SYBU: variants seen among roughly 807,000 people sequenced by gnomAD.
SYBU encodes the protein GOLSYN A protein.
SYBU carries 21 observed loss-of-function variants against 35.9 expected under a neutral mutation model. The ratio of observed to expected loss-of-function variants is 0.58; its 90% CI spans 0.41 to 0.84. SYBU has a LOEUF of 0.84. SYBU is among the 40% of genes least tolerant of loss of function. The probability of loss-of-function intolerance (pLI) is 0.00; values close to 1 mark genes in which losing one functional copy is unlikely to be tolerated. For missense variants in SYBU, 768 were observed against 848.2 expected (o/e 0.91, Z 1.17); for synonymous variants, 319 against 324.3 (o/e 0.98, Z 0.18).
chr8:109,648,275 A>AATATATATATAATAT (rs1405502977), upstream of SYBU, among the ~76,000 whole-genome samples: 10 of 144,992 alleles, frequency 6.9e-5, no homozygotes, highest in African/African-American at 2.3e-4. Flanking sequence ...ATATATATAT[A>AATATATATATAATAT]ATATATATAT....
intron 1 of SYBU, among the ~76,000 whole-genome samples, chr8:109,669,339 CAAAAAAAAAAAAA>C (rs533510895): frequency 1.4e-4 from 7 of 49,682 alleles, no homozygotes; most frequent in Admixed American, 9.0e-4. Flanking sequence ...GAGACTCCGT[CAAAAAAAAAAAAA>C]AAAAAAAAAA....
chr8:109,582,008 C>T (rs985784078), intron 4 of SYBU, among the ~76,000 whole-genome samples: 1 of 152,144 alleles, frequency 6.6e-6, no homozygotes, highest in Non-Finnish European at 1.5e-5. Context: ...GGAACATGTA[C>T]CCTGGTGTGC....
chr8:109,578,053 C>A (rs957555547), intron 5 of SYBU, 36 bp from the exon 6 acceptor site: 3 of 1,584,766 alleles, frequency 1.9e-6, no homozygotes, highest in African/African-American at 2.7e-5. Flanking sequence ...TTACTTTTTG[C>A]CGTTTCCTTT....
chr8:109,574,128 T>G lies in SYBU; in HGVS notation c.*778A>C, dbSNP rs1821948735. The stretch of plus-strand genomic sequence containing the variant: ...CCCCTATTGATAAAGATGTAAGATC[T>G]GCTATTCATTGTCTTTCTTATACAT... On this transcript the variant is annotated 3_prime_UTR_variant, in exon 7 of 7. Coordinates refer to ENST00000276646, the MANE Select transcript of SYBU (RefSeq NM_001099754.2). The G allele has an allele frequency of 6.6e-6, 1 of 152,242 alleles. No homozygotes were observed. The highest frequency in any genetic ancestry group is 6.5e-5 in the Admixed American group (1 of 15,286). The allele number at this position is 152,242 out of a possible 1,614,324, so 9.4% of individuals were successfully genotyped here. A position where few individuals can be genotyped will look rare whatever the true frequency, so the allele number is the denominator to read the frequency against.
chr8:109,681,008 G>A (rs1308817436), upstream of SYBU: 1 of 152,244 alleles, frequency 6.6e-6, no homozygotes, highest in Non-Finnish European at 1.5e-5. Flanking sequence ...CTGATGGGAA[G>A]AAAAGTCCCA....
rs557411598 is a variant in SYBU, at chr8:109,640,726, A to G, written c.229+2002T>C. On this transcript the variant is annotated intron_variant, in intron 2 of 6. Transcript: ENST00000276646. ...ATTCATGTGATTCAAATATAAAGAAATAAGTTTTAAAACATAATATTTTGA... is the reference window on the plus strand; with the variant it reads ...ATTCATGTGATTCAAATATAAAGAAGTAAGTTTTAAAACATAATATTTTGA... Among the ~76,000 whole-genome samples, 192 of 151,766 alleles carry G rather than the reference A, an allele frequency of 1.3e-3. 2 individuals carry two copies. Among genetic ancestry groups the G allele is most frequent in the African/African-American group, 4.5e-3 (187 of 41,238 alleles).
At chr8:109,590,436 A>G (rs1235683878) in intron 3 of SYBU, among the ~76,000 whole-genome samples, 1 of 152,142 alleles carries the variant, frequency 6.6e-6, no homozygotes, top group African/African-American at 2.4e-5. Flanking sequence ...TTTGAGAATA[A>G]AAGTATTCTT....
At chr8:109,619,781 A>G (rs889470324) in intron 2 of SYBU, among the ~76,000 whole-genome samples, 2 of 152,208 alleles carry the variant, frequency 1.3e-5, no homozygotes, top group Non-Finnish European at 2.9e-5. Flanking sequence ...TGACCCATCA[A>G]TTGGTTAACA....
At chr8:109,583,690 C>G (rs1419107894) in intron 4 of SYBU, among the ~76,000 whole-genome samples, 1 of 152,174 alleles carries the variant, frequency 6.6e-6, no homozygotes, top group Non-Finnish European at 1.5e-5. Flanking sequence ...CCCAGCTACT[C>G]TAGAGGAGCT....
At chr8:109,610,482 T>G (rs1811051935) in intron 3 of SYBU, among the ~76,000 whole-genome samples, 1 of 152,210 alleles carries the variant, frequency 6.6e-6, no homozygotes, top group Non-Finnish European at 1.5e-5. Context: ...GTCACCTTCT[T>G]GCAATGTTAC....
chr8:109,644,107 T>C (rs937204763), intron 1 of SYBU: 2 of 457,020 alleles, frequency 4.4e-6, no homozygotes, highest in African/African-American at 4.0e-5. Context: ...TGGCATAAAT[T>C]GAAGGGTAAA....
intron 6 of SYBU, among the ~76,000 whole-genome samples, chr8:109,576,348 T>TACTC (rs1254453362): frequency 1.3e-5 from 2 of 152,210 alleles, no homozygotes; most frequent in Non-Finnish European, 2.9e-5. Flanking sequence ...TTTTTTTGAG[T>TACTC]ACTCATTATG....
intron 3 of SYBU, among the ~76,000 whole-genome samples, chr8:109,615,740 G>A (rs1811661313): frequency 1.3e-5 from 2 of 152,024 alleles, no homozygotes; most frequent in Non-Finnish European, 1.5e-5. Flanking sequence ...TAACAAAAGC[G>A]GTTGTTTGAG....
chr8:109,689,631 C>T (rs1291159666), intron 1 of SYBU, among the ~76,000 whole-genome samples: 1 of 152,124 alleles, frequency 6.6e-6, no homozygotes, highest in Non-Finnish European at 1.5e-5. Flanking sequence ...CATGCCAGGC[C>T]TGTCATTTTA....
chr8:109,680,411 A>G (rs1586999252), intron 1 of SYBU, among the ~76,000 whole-genome samples: 1 of 57,866 alleles, frequency 1.7e-5, no homozygotes, highest in East Asian at 7.8e-4. Context: ...TAAAAGGAAA[A>G]CAGCTTTAAA....
chr8:109,634,238 T>C (rs1813961228), intron 2 of SYBU, among the ~76,000 whole-genome samples: 1 of 152,182 alleles, frequency 6.6e-6, no homozygotes, highest in South Asian at 2.1e-4. Flanking sequence ...TTCAAAACCT[T>C]GCTTATGTGC....
chr8:109,668,167 A>AGAGAGTGAAAGGG (rs1816831525), intron 1 of SYBU, among the ~76,000 whole-genome samples: 1 of 115,572 alleles, frequency 8.7e-6, no homozygotes, highest in African/African-American at 3.8e-5. Context: ...GGAGAGGGGG[A>AGAGAGTGAAAGGG]GAGAGAGAGA....
At chr8:109,583,802 T>G (rs1823310656) in intron 4 of SYBU, among the ~76,000 whole-genome samples, 1 of 152,084 alleles carries the variant, frequency 6.6e-6, no homozygotes, top group South Asian at 2.1e-4. Context: ...TGGGTGAGAT[T>G]CTTTTATTTA....
At chr8:109,603,458 G>A (rs894124683) in intron 3 of SYBU, 3 of 975,686 alleles carry the variant, frequency 3.1e-6, no homozygotes, top group African/African-American at 1.8e-5. Context: ...CTGGCACAAA[G>A]CACATGTTCC....
Sources: gnomAD v4.1 joint callset for allele counts (sites outside exome capture counted in the v4.1 genomes callset) on GRCh38, gnomAD v4.1.1 for gene constraint, MANE v1.5 for transcripts, NCBI Gene and HGNC (gene_info 2026-07-23, HGNC 2026-07-21) for gene names.